NNT: variants seen among roughly 807,000 people sequenced by gnomAD.
NNT encodes the protein NAD(P) transhydrogenase, mitochondrial.
Under a neutral mutation model 104.8 loss-of-function variants are expected in NNT, and 50 were observed. The observed-to-expected ratio is 0.48, with a 90% CI of 0.38 to 0.60. NNT has a LOEUF of 0.60. Among genes scored for constraint, NNT ranks in the 20% least tolerant of loss-of-function variants. NNT has a pLI of 0.00. For synonymous variants in NNT, 461 were observed against 490.4 expected (o/e 0.94, Z 0.79); for missense variants, 1,131 against 1,330.7 (o/e 0.85, Z 2.33).
intron 17 of NNT, among the ~76,000 whole-genome samples, chr5:43,661,051 T>A (rs895382403): frequency 6.6e-6 from 1 of 152,164 alleles, no homozygotes; most frequent in Non-Finnish European, 1.5e-5. Flanking sequence ...TAGTAAAAAA[T>A]ATTTTTGTTT....
At position 43,650,360 on chromosome 5, in the gene NNT, T is replaced by G. The variant is rs112908212; in HGVS notation, c.1607-117T>G. The stretch of plus-strand genomic sequence containing the variant: ...TGAGGGTGTAAGAAAGCTGCCTTGT[T>G]TTTTAATATTGAGAACTTTACCCTC... On this transcript the variant is annotated intron_variant, in intron 11 of 21. Transcript: ENST00000344920. 2.9e-5 allele frequency: 19 copies of G among 662,186 alleles called. 1 individual carries two copies. Among genetic ancestry groups the G allele is most frequent in the African/African-American group, 2.7e-4 (15 of 56,268 alleles). The allele number at this position is 662,186 out of a possible 1,614,324, so 41.0% of individuals were successfully genotyped here.
chr5:43,702,061 GTCTGTT>G (rs1742877546), intron 20 of NNT, among the ~76,000 whole-genome samples: 1 of 152,002 alleles, frequency 6.6e-6, no homozygotes, highest in East Asian at 1.9e-4. Context: ...TCTGTAGCTT[GTCTGTT>G]TACTCTCTTG....
intron 1 of NNT, among the ~76,000 whole-genome samples, chr5:43,607,362 T>C (rs1241164480): frequency 6.6e-6 from 1 of 152,224 alleles, no homozygotes; most frequent in Non-Finnish European, 1.5e-5. Context: ...TTCCTTCTCC[T>C]GGACAATGAG....
At chr5:43,602,747 A>C (rs1453984862), upstream of NNT, 4 of 152,274 alleles carry the variant, frequency 2.6e-5, no homozygotes, top group African/African-American at 9.7e-5. Flanking sequence ...AGCTGGAGGA[A>C]AGGCAGGTAC....
chr5:43,622,943 TTTTC>T (rs1371564364), intron 5 of NNT, among the ~76,000 whole-genome samples: 2 of 152,070 alleles, frequency 1.3e-5, no homozygotes, highest in African/African-American at 2.4e-5. Flanking sequence ...TTTATTTACT[TTTTC>T]TTTCTTTCTT....
intron 19 of NNT, among the ~76,000 whole-genome samples, chr5:43,697,306 C>T (rs1467621724): frequency 9.2e-5 from 14 of 152,136 alleles, no homozygotes; most frequent in Admixed American, 8.5e-4. Flanking sequence ...ACAAGAGTCA[C>T]CTTTGCCCCA....
intron 7 of NNT, among the ~76,000 whole-genome samples, chr5:43,636,244 C>T (rs79733813): frequency 0.016 from 2,486 of 152,218 alleles, 59 homozygotes; most frequent in African/African-American, 0.052. Context: ...GGCGATGCCT[C>T]GTCTTCTGGA....
chr5:43,609,368 T>G (rs373469179), intron 2 of NNT, 22 bp downstream of exon 2: 2 of 1,611,286 alleles, frequency 1.2e-6, no homozygotes, highest in South Asian at 2.2e-5. Context: ...CTTCAGTGAT[T>G]GTAAATGAAA....
chr5:43,638,168 C>T (rs1751038849), intron 7 of NNT, among the ~76,000 whole-genome samples: 1 of 152,162 alleles, frequency 6.6e-6, no homozygotes, highest in African/African-American at 2.4e-5. Flanking sequence ...GTTTGCTTCC[C>T]TTTCTGCCAT....
chr5:43,672,715 A>T (rs1340587420), intron 17 of NNT, among the ~76,000 whole-genome samples: 3 of 152,212 alleles, frequency 2.0e-5, no homozygotes, highest in African/African-American at 7.2e-5. Context: ...CCTCCCAGTT[A>T]GGCTACTCAG....
At chr5:43,625,815 A>G (rs377051065) in intron 6 of NNT, among the ~76,000 whole-genome samples, 35 of 152,176 alleles carry the variant, frequency 2.3e-4, no homozygotes, top group African/African-American at 7.7e-4. Context: ...GAAAAATGTG[A>G]AAAAGCACAA....
chr5:43,649,033 C>A, intron 10 of NNT, 114 bp from the exon 11 acceptor site: 1 of 1,204,574 alleles, frequency 8.3e-7, no homozygotes, highest in Non-Finnish European at 1.2e-6. Context: ...TCATTACTGG[C>A]AAGGGAGTGG....
chr5:43,651,710 A>C, intron 12 of NNT, 29 bp from the exon 13 acceptor site: 1 of 1,612,774 alleles, frequency 6.2e-7, no homozygotes, highest in Non-Finnish European at 8.5e-7. Flanking sequence ...AAGAGGTACT[A>C]TGTTTTTTAT....
intron 1 of NNT, among the ~76,000 whole-genome samples, chr5:43,605,440 C>T (rs539753507): frequency 2.2e-5 from 3 of 134,304 alleles, no homozygotes; most frequent in East Asian, 2.2e-4. Context: ...GGCGTGAACC[C>T]GGGAAGCGGA....
At chr5:43,613,216 A>G in intron 3 of NNT, 79 bp downstream of exon 3, 1 of 1,102,914 alleles carries the variant, frequency 9.1e-7, no homozygotes, top group Non-Finnish European at 1.3e-6. Flanking sequence ...AAATTACTTT[A>G]TCTGGAGTTA....
chr5:43,692,233 CAG>C (rs1742321802), intron 19 of NNT, among the ~76,000 whole-genome samples: 1 of 152,028 alleles, frequency 6.6e-6, no homozygotes, highest in African/African-American at 2.4e-5. Context: ...AGTAAGGGAA[CAG>C]GGGCAAACTG....
chr5:43,623,733 ATGCT>A (rs1011195431), intron 5 of NNT, among the ~76,000 whole-genome samples: 2 of 152,196 alleles, frequency 1.3e-5, no homozygotes, highest in African/African-American at 4.8e-5. Context: ...AACATACGTA[ATGCT>A]GATCATGCTT....
intron 6 of NNT, among the ~76,000 whole-genome samples, chr5:43,624,448 C>A (rs2042949): frequency 6.6e-6 from 1 of 152,136 alleles, no homozygotes; most frequent in Non-Finnish European, 1.5e-5. Context: ...GTTTGTGAAT[C>A]TGAAGAAAGA....
chr5:43,669,648 A>G (rs1337488494), intron 17 of NNT, among the ~76,000 whole-genome samples: 1 of 152,096 alleles, frequency 6.6e-6, no homozygotes, highest in Non-Finnish European at 1.5e-5. Flanking sequence ...ATCATGGTGG[A>G]TAAGCTTTTT....
Sources: allele counts gnomAD v4.1 joint callset (sites outside exome capture counted in the v4.1 genomes callset), GRCh38; gene constraint gnomAD v4.1.1; transcripts MANE v1.5; gene names NCBI Gene and HGNC (gene_info 2026-07-23, HGNC 2026-07-21).